Variants in SYN3 observed in about 807,000 individuals in gnomAD.
The protein encoded by SYN3 is synapsin III.
In SYN3, 35 loss-of-function variants were observed where a neutral mutation model predicts 65.8. That is an observed-to-expected ratio of 0.53 (90% confidence interval 0.41 to 0.70). The LOEUF (loss-of-function observed/expected upper bound fraction) is 0.70, where lower values mean the gene tolerates loss of function less well. Ranked by LOEUF, SYN3 falls within the 30% of genes least tolerant of loss-of-function variation. The probability of loss-of-function intolerance (pLI) is 0.00; values close to 1 mark genes in which losing one functional copy is unlikely to be tolerated. For missense variants in SYN3, 680 were observed against 749.0 expected (o/e 0.91, Z 1.08); for synonymous variants, 270 against 292.9 (o/e 0.92, Z 0.80).
At chr22:32,649,839 A>G (rs2060036540) in intron 6 of SYN3, among the ~76,000 whole-genome samples, 1 of 152,204 alleles carries the variant, frequency 6.6e-6, no homozygotes. Context: ...GGGCCACAGA[A>G]TCGGGTGGTT....
chr22:32,842,279 T>C (rs2047932070), intron 6 of SYN3, among the ~76,000 whole-genome samples: 1 of 152,180 alleles, frequency 6.6e-6, no homozygotes, highest in Non-Finnish European at 1.5e-5. Context: ...GAGGGTTTTT[T>C]TGGGAGTTGG....
intron 6 of SYN3, among the ~76,000 whole-genome samples, chr22:32,653,458 T>A (rs915252851): frequency 1.3e-5 from 2 of 151,990 alleles, no homozygotes; most frequent in Admixed American, 6.6e-5. Context: ...AAGAAAAGCA[T>A]GAAAAGGAGG....
At chr22:32,770,945 G>C (rs2045753078) in intron 6 of SYN3, among the ~76,000 whole-genome samples, 1 of 151,246 alleles carries the variant, frequency 6.6e-6, no homozygotes, top group Admixed American at 6.6e-5. Context: ...GAACGTGCAG[G>C]TTCGTTACAG....
intron 3 of SYN3, among the ~76,000 whole-genome samples, chr22:32,953,198 A>C (rs960693378): frequency 3.9e-5 from 6 of 152,218 alleles, no homozygotes; most frequent in African/African-American, 1.4e-4. Flanking sequence ...ACCAGAGAGC[A>C]AGGACTTGAA....
intron 6 of SYN3, among the ~76,000 whole-genome samples, chr22:32,597,195 C>T (rs996527201): frequency 3.8e-4 from 51 of 132,538 alleles, no homozygotes; most frequent in African/African-American, 1.3e-3. Flanking sequence ...TCCTGTCTTA[C>T]ATTATTCTCT....
chr22:32,843,874 C>T (rs2047985672), intron 6 of SYN3, among the ~76,000 whole-genome samples: 3 of 152,070 alleles, frequency 2.0e-5, no homozygotes, highest in Non-Finnish European at 4.4e-5. Context: ...AAAAACCATG[C>T]CTTAAAGCAG....
At position 32,896,253 on chromosome 22, in the gene SYN3, G is replaced by A. The variant is rs185554518; in HGVS notation, c.462-27128C>T. ...GAGGATCACATGAGGTCAGCAGTTC[G>A]AGAGCAGCCTGGCCAACATGGTGAA... On this transcript the variant is annotated intron_variant, in intron 4 of 13. Coordinates refer to ENST00000358763, the MANE Select transcript of SYN3 (RefSeq NM_003490.4). 6.2e-3 allele frequency among the ~76,000 whole-genome samples: 950 copies of A among 152,212 alleles called. 3 individuals are homozygous for A. The highest frequency in any genetic ancestry group is 0.014 in the Middle Eastern group (4 of 294).
At chr22:32,637,630 C>CTTTTTTTTTTTTTTTT (rs1185407986) in intron 6 of SYN3, among the ~76,000 whole-genome samples, 1 of 93,562 alleles carries the variant, frequency 1.1e-5, no homozygotes, top group African/African-American at 4.3e-5. Context: ...TTTTCTTTTT[C>CTTTTTTTTTTTTTTTT]TTTTTTTTTT....
chr22:32,605,910 A>C (rs750126158), intron 6 of SYN3, among the ~76,000 whole-genome samples: 8 of 152,016 alleles, frequency 5.3e-5, no homozygotes, highest in Non-Finnish European at 1.2e-4. Context: ...GTCACCGACC[A>C]CTCTGTGACT....
At chr22:33,023,590 C>G (rs2053593467) in intron 1 of SYN3, among the ~76,000 whole-genome samples, 1 of 152,172 alleles carries the variant, frequency 6.6e-6, no homozygotes, top group Admixed American at 6.5e-5. Context: ...GTGACACATG[C>G]CTGTGGTCGC....
At chr22:32,608,332 A>T (rs2059397465) in intron 6 of SYN3, among the ~76,000 whole-genome samples, 1 of 152,164 alleles carries the variant, frequency 6.6e-6, no homozygotes, top group African/African-American at 2.4e-5. Context: ...GGCTTCCCAA[A>T]GTGTTGGGAT....
At position 32,939,654 on chromosome 22, in the gene SYN3, T is replaced by A. The variant is rs150507659; in HGVS notation, c.370-8173A>T. On this transcript the variant is annotated intron_variant, in intron 3 of 13. Transcript: ENST00000358763. ...TGGTATTTGCCTTCTTTCATATCTG[T>A]GATTCATCCATGCTGCTGTGGTTAG... Among the ~76,000 whole-genome samples, 339 of 152,340 alleles carry A rather than the reference T, an allele frequency of 2.2e-3. 2 individuals carry two copies. The highest frequency in any genetic ancestry group is 5.2e-3 in the Admixed American group (79 of 15,304).
intron 6 of SYN3, among the ~76,000 whole-genome samples, chr22:32,850,614 A>G (rs185472482): frequency 2.0e-5 from 3 of 152,166 alleles, no homozygotes; most frequent in African/African-American, 4.8e-5. Flanking sequence ...AGGTTGGGAG[A>G]GAAGAGGCAG....
intron 6 of SYN3, among the ~76,000 whole-genome samples, chr22:32,704,337 A>G (rs1219061365): frequency 6.6e-6 from 1 of 152,058 alleles, no homozygotes; most frequent in Non-Finnish European, 1.5e-5. Flanking sequence ...CTGTTCCTGC[A>G]TTAGTTTGCT....
At chr22:32,585,990 ACGTATATATGTATGTATGTAT>A (rs2059025334) in intron 7 of SYN3, among the ~76,000 whole-genome samples, 1 of 82,804 alleles carries the variant, frequency 1.2e-5, no homozygotes, top group African/African-American at 3.7e-5. Flanking sequence ...ATGTATGTAT[ACGTATATATGTATGTATGTAT>A]ACGTATATAT....
At chr22:32,772,471 C>T (rs907517879) in intron 6 of SYN3, among the ~76,000 whole-genome samples, 4 of 152,000 alleles carry the variant, frequency 2.6e-5, no homozygotes, top group African/African-American at 9.6e-5. Context: ...GTCAGCAAAG[C>T]TTTTTTGTAT....
chr22:32,720,972 C>T (rs1261031725), intron 6 of SYN3, among the ~76,000 whole-genome samples: 1 of 152,208 alleles, frequency 6.6e-6, no homozygotes, highest in Non-Finnish European at 1.5e-5. Flanking sequence ...AGGAAACAGT[C>T]CCTTAGTACA....
At chr22:32,902,198 T>C (rs1483898235) in intron 4 of SYN3, among the ~76,000 whole-genome samples, 6 of 152,222 alleles carry the variant, frequency 3.9e-5, no homozygotes, top group Non-Finnish European at 7.3e-5. Context: ...GTTCTGGGGA[T>C]AAATTCTTAA....
chr22:33,022,837 G>C (rs2053582111), intron 1 of SYN3, among the ~76,000 whole-genome samples: 1 of 152,116 alleles, frequency 6.6e-6, no homozygotes, highest in Non-Finnish European at 1.5e-5. Flanking sequence ...TCATGTAAAT[G>C]AACACTTACC....
Sources: allele counts gnomAD v4.1 joint callset (sites outside exome capture counted in the v4.1 genomes callset), GRCh38; gene constraint gnomAD v4.1.1; transcripts MANE v1.5; gene names NCBI Gene and HGNC (gene_info 2026-07-23, HGNC 2026-07-21).